The following CDC42BPA variants were observed in gnomAD, a reference collection of about 807,000 sequenced individuals.
CDC42BPA encodes serine/threonine-protein kinase MRCK alpha.
A neutral mutation model predicts 223.5 loss-of-function variants in CDC42BPA; 80 were observed. That is an observed-to-expected ratio of 0.36 (90% confidence interval 0.30 to 0.43). The LOEUF is 0.43. CDC42BPA is among the 20% of genes least tolerant of loss of function. CDC42BPA has a pLI of 1.00. For synonymous variants in CDC42BPA, 694 were observed against 718.6 expected, an observed-to-expected ratio of 0.97 and a Z score of 0.55; for missense variants, 1,743 against 2,099.9, an observed-to-expected ratio of 0.83 and a Z score of 3.32.
chr1:227,237,228 C>CAT (rs36078322), intron 2 of CDC42BPA, among the ~76,000 whole-genome samples: 46,473 of 151,508 alleles, frequency 0.31, 7,226 homozygotes, highest in East Asian at 0.37. Context: ...ATGGAACTTG[C>CAT]ATGAATTCAG....
At position 227,126,464 on chromosome 1, in the gene CDC42BPA, AAAGGAAGGAAGGAAGGAAGGAAGG is replaced by A. The variant is rs143254580; in HGVS notation, c.1513+2621_1513+2644del. ...TGACAGAGAAAACAGGCAGTACAAGAAAGGAAGGAAGGAAGGAAGGAAGGAAGGAAGGAAGGAAGGAAGGAAGGA... is the reference window on the plus strand; with the variant it reads ...TGACAGAGAAAACAGGCAGTACAAGAAAGGAAGGAAGGAAGGAAGGAAGGA... On this transcript the variant is annotated intron_variant, in intron 11 of 36. Transcript: ENST00000366766. Among the ~76,000 whole-genome samples the A allele has an allele frequency of 2.2e-3, 285 of 130,552 alleles. 1 individual carries two copies. Among genetic ancestry groups the A allele is most frequent in the East Asian group, 5.5e-3 (23 of 4,164 alleles). The allele number at this position is 130,552 out of a possible 152,430, so 85.6% of individuals were successfully genotyped here.
intron 14 of CDC42BPA, among the ~76,000 whole-genome samples, chr1:227,102,375 GCTTAA>G (rs1685193935): frequency 1.3e-5 from 2 of 152,132 alleles, no homozygotes; most frequent in East Asian, 1.9e-4. Context: ...GCAAAAGTCT[GCTTAA>G]CTTGAGAAGA....
intron 5 of CDC42BPA, among the ~76,000 whole-genome samples, chr1:227,167,429 A>G (rs901768890): frequency 1.3e-5 from 2 of 152,132 alleles, no homozygotes; most frequent in African/African-American, 4.8e-5. Flanking sequence ...TCCTGTAATG[A>G]CTTCTCTATG....
chr1:227,174,685 TAA>T (rs1045980758), intron 5 of CDC42BPA, among the ~76,000 whole-genome samples: 63 of 152,310 alleles, frequency 4.1e-4, no homozygotes, highest in African/African-American at 1.5e-3. Flanking sequence ...CTACATGAGA[TAA>T]AAAGAGTTAT....
intron 17 of CDC42BPA, 134 bp downstream of exon 17, chr1:227,080,759 T>C (rs1180675825): frequency 3.1e-6 from 3 of 975,164 alleles, no homozygotes; most frequent in South Asian, 1.4e-5. Flanking sequence ...AATAAAACTG[T>C]GCTTTTCAGA....
chr1:227,196,338 C>CTTTTTTTTTTTTTTTTCTTTTTTTT (rs1553388919), intron 4 of CDC42BPA, among the ~76,000 whole-genome samples: 13 of 92,360 alleles, frequency 1.4e-4, no homozygotes, highest in South Asian at 8.0e-4. Flanking sequence ...TTAAACAATA[C>CTTTTTTTTTTTTTTTTCTTTTTTTT]TTTTTTTTTT....
At chr1:227,031,560 C>T (rs766434362) in intron 27 of CDC42BPA, 46 bp from the exon 28 acceptor site, 2 of 1,462,094 alleles carry the variant, frequency 1.4e-6, no homozygotes, top group African/African-American at 1.4e-5. Flanking sequence ...AACAGACACC[C>T]TTTATGCTAG....
rs1234559483 is a variant in CDC42BPA, at chr1:226,993,207, T to C, written c.*1061A>G. The C allele has an allele frequency of 1.3e-5, 2 of 152,178 alleles. No homozygotes were observed. Among genetic ancestry groups the C allele is most frequent in the African/African-American group, 4.8e-5 (2 of 41,418 alleles). 9.4% of individuals were successfully genotyped at this position (152,178 alleles called of 1,614,324 possible). ...CCAGGAATAAAAGCATTTTTAGAAA[T>C]TGTTTTCTGCACCTTCAGAAGCTAC... On this transcript the variant is annotated 3_prime_UTR_variant, in exon 37 of 37. Coordinates refer to ENST00000366766, the MANE Select transcript of CDC42BPA (RefSeq NM_001394014.1).
At chr1:227,168,497 G>GTTTTTTTTTTTTGTTTTTTTTTTTTTTTT (rs1553374261) in intron 5 of CDC42BPA, among the ~76,000 whole-genome samples, 7 of 80,196 alleles carry the variant, frequency 8.7e-5, no homozygotes, top group African/African-American at 2.0e-4. Flanking sequence ...CTTCCCTGGT[G>GTTTTTTTTTTTTGTTTTTTTTTTTTTTTT]TTTTTTTTTT....
intron 23 of CDC42BPA, among the ~76,000 whole-genome samples, chr1:227,045,152 A>C (rs1388733978): frequency 6.6e-6 from 1 of 152,204 alleles, no homozygotes; most frequent in Non-Finnish European, 1.5e-5. Context: ...TGGTAGAACT[A>C]ATTAAGTTTC....
Position 227,004,761 on chromosome 1 carries a change from A to C in CDC42BPA, c.4975+233T>G. ...GCCTTTATCATCACAATTTGTAATC[A>C]TATTTGTCTGTCTCCCAGATGGCCT... On this transcript the variant is annotated intron_variant, in intron 35 of 36. Coordinates refer to ENST00000366766, the MANE Select transcript of CDC42BPA (RefSeq NM_001394014.1). The C allele has an allele frequency of 5.1e-6, 3 of 591,424 alleles. No individual in the cohort carries two copies. The South Asian group carries it at 5.7e-5, about 11-fold the overall frequency. 36.6% of individuals were successfully genotyped at this position (591,424 alleles called of 1,614,324 possible).
chr1:227,099,432 G>A (rs1390463283), intron 15 of CDC42BPA, among the ~76,000 whole-genome samples: 1 of 150,530 alleles, frequency 6.6e-6, no homozygotes, highest in Non-Finnish European at 1.5e-5. Context: ...GCCTTATATA[G>A]GTGTACCCTT....
intron 2 of CDC42BPA, among the ~76,000 whole-genome samples, chr1:227,250,261 G>A (rs1681738870): frequency 6.6e-6 from 1 of 152,080 alleles, no homozygotes; most frequent in Admixed American, 6.6e-5. Context: ...GCCAAGATGG[G>A]TGCATCACCT....
At chr1:227,232,005 A>G (rs1558824534) in intron 2 of CDC42BPA, among the ~76,000 whole-genome samples, 1 of 152,098 alleles carries the variant, frequency 6.6e-6, no homozygotes, top group South Asian at 2.1e-4. Context: ...CCATTTGTCA[A>G]TTTTGGCTTT....
intron 5 of CDC42BPA, among the ~76,000 whole-genome samples, chr1:227,168,497 G>GTGTTTTGTTTTTTTTTTTTT (rs1302291274): frequency 2.4e-4 from 19 of 80,208 alleles, no homozygotes; most frequent in East Asian, 3.3e-4. Context: ...CTTCCCTGGT[G>GTGTTTTGTTTTTTTTTTTTT]TTTTTTTTTT....
At chr1:227,132,857 G>A (rs1234854451) in intron 10 of CDC42BPA, among the ~76,000 whole-genome samples, 3 of 150,256 alleles carry the variant, frequency 2.0e-5, no homozygotes, top group Admixed American at 2.0e-4. Context: ...TCTCTGCCCG[G>A]CCGCCCCGTC....
chr1:227,036,326 A>G (rs1396514454), intron 24 of CDC42BPA, among the ~76,000 whole-genome samples: 1 of 150,878 alleles, frequency 6.6e-6, no homozygotes, highest in Non-Finnish European at 1.5e-5. Context: ...AGGTCTTGCT[A>G]TGTTGCCCAG....
At chr1:227,161,825 G>C (rs1663957311) in intron 5 of CDC42BPA, among the ~76,000 whole-genome samples, 1 of 152,142 alleles carries the variant, frequency 6.6e-6, no homozygotes, top group African/African-American at 2.4e-5. Context: ...TATAGAAAAA[G>C]TTTTCAAACC....
chr1:227,032,855 AT>A (rs1415924761), intron 27 of CDC42BPA, among the ~76,000 whole-genome samples: 8 of 152,250 alleles, frequency 5.3e-5, no homozygotes, highest in African/African-American at 1.7e-4. Context: ...ATGCAGTCAC[AT>A]CAGTGACACT....
Sources: allele counts gnomAD v4.1 joint callset (sites outside exome capture counted in the v4.1 genomes callset), GRCh38; gene constraint gnomAD v4.1.1; transcripts MANE v1.5; gene names NCBI Gene and HGNC (gene_info 2026-07-23, HGNC 2026-07-21).